Variants in MAGI1 observed in about 807,000 individuals in gnomAD.
The protein encoded by MAGI1 is membrane-associated guanylate kinase, WW and PDZ domain-containing protein 1.
MAGI1 carries 58 observed loss-of-function variants against 139.9 expected under a neutral mutation model. That is an observed-to-expected ratio of 0.41 (90% CI 0.34 to 0.52). The LOEUF is 0.52. Ranked by LOEUF, MAGI1 falls within the 20% of genes least tolerant of loss-of-function variation. The pLI, the probability that MAGI1 is intolerant of heterozygous loss-of-function variation, is 0.12. For synonymous variants in MAGI1, 812 were observed against 737.9 expected (o/e 1.10, Z -1.63); for missense variants, 1,874 against 1,901.6 (o/e 0.99, Z 0.27).
intron 1 of MAGI1, among the ~76,000 whole-genome samples, chr3:65,871,956 T>C (rs1035817650): frequency 3.3e-5 from 5 of 152,266 alleles, no homozygotes; most frequent in Middle Eastern, 3.4e-3. Flanking sequence ...AGCAAAGACA[T>C]TCTCTTTGTC....
At chr3:65,698,886 TA>T in intron 1 of MAGI1, among the ~76,000 whole-genome samples, 1 of 128,636 alleles carries the variant, frequency 7.8e-6, no homozygotes, top group Non-Finnish European at 1.6e-5. Context: ...GGGATCTAAT[TA>T]AACTAAAGAG....
At chr3:65,715,809 T>C (rs1180044318) in intron 1 of MAGI1, among the ~76,000 whole-genome samples, 1 of 152,188 alleles carries the variant, frequency 6.6e-6, no homozygotes, top group Non-Finnish European at 1.5e-5. Flanking sequence ...AACCAAAAAT[T>C]TGTGCTGCTT....
At chr3:65,817,576 G>C (rs1422043705) in intron 1 of MAGI1, among the ~76,000 whole-genome samples, 1 of 152,120 alleles carries the variant, frequency 6.6e-6, no homozygotes. Flanking sequence ...TAATATACTC[G>C]CATTTCCTCC....
At chr3:65,664,656 T>G (rs36091678) in intron 1 of MAGI1, among the ~76,000 whole-genome samples, 47,864 of 152,050 alleles carry the variant, frequency 0.31, 9,097 homozygotes, top group East Asian at 0.64. Context: ...AACCTCAAAA[T>G]CAATACTCAC....
chr3:65,577,189 C>A (rs2081214952), intron 2 of MAGI1, among the ~76,000 whole-genome samples: 2 of 152,078 alleles, frequency 1.3e-5, no homozygotes, highest in Non-Finnish European at 1.5e-5. Context: ...ACAGGCAGAG[C>A]TGGACTAGAG....
At chr3:66,032,170 T>TAGTC (rs1283378427) in intron 1 of MAGI1, among the ~76,000 whole-genome samples, 1 of 152,024 alleles carries the variant, frequency 6.6e-6, no homozygotes, top group Admixed American at 6.6e-5. Context: ...AACAATGGAA[T>TAGTC]AGTCATTCAG....
At chr3:65,956,390 G>A (rs1193489549) in intron 1 of MAGI1, among the ~76,000 whole-genome samples, 3 of 152,222 alleles carry the variant, frequency 2.0e-5, no homozygotes, top group East Asian at 3.9e-4. Flanking sequence ...CCGGCATTTG[G>A]ACCTTGGTGT....
intron 2 of MAGI1, among the ~76,000 whole-genome samples, chr3:65,593,364 A>G (rs997525091): frequency 6.6e-5 from 10 of 152,292 alleles, no homozygotes; most frequent in Admixed American, 2.6e-4. Flanking sequence ...TACCCAGTGC[A>G]ATAATTCAGA....
At chr3:65,420,861 TG>T (rs1214957001) in intron 12 of MAGI1, among the ~76,000 whole-genome samples, 2 of 152,204 alleles carry the variant, frequency 1.3e-5, no homozygotes, top group Non-Finnish European at 2.9e-5. Context: ...AATGAGACAT[TG>T]CTTTGTAGAA....
chr3:65,907,291 G>C (rs1271120863), intron 1 of MAGI1, among the ~76,000 whole-genome samples: 1 of 152,144 alleles, frequency 6.6e-6, no homozygotes, highest in Admixed American at 6.5e-5. Context: ...GGATCCTTGA[G>C]ATAACTCTAG....
chr3:65,784,683 C>T (rs986551789), intron 1 of MAGI1, among the ~76,000 whole-genome samples: 12 of 151,582 alleles, frequency 7.9e-5, no homozygotes, highest in Admixed American at 1.3e-4. Context: ...CCAGCCTGGG[C>T]GACAGAGCGA....
At chr3:65,855,109 G>A (rs747787810) in intron 1 of MAGI1, among the ~76,000 whole-genome samples, 3 of 152,130 alleles carry the variant, frequency 2.0e-5, no homozygotes, top group Admixed American at 6.6e-5. Flanking sequence ...GCCCAAATCC[G>A]TGGGGGGCGG....
chr3:65,581,488 C>T (rs1038235151), intron 2 of MAGI1, among the ~76,000 whole-genome samples: 2 of 152,136 alleles, frequency 1.3e-5, no homozygotes, highest in Admixed American at 1.3e-4. Flanking sequence ...TCTTCTAGTA[C>T]TTTCACTTCC....
intron 1 of MAGI1, among the ~76,000 whole-genome samples, chr3:65,668,562 CTTTTTTTTTTTTT>C (rs58434479): frequency 2.6e-4 from 21 of 79,882 alleles, no homozygotes; most frequent in Admixed American, 9.9e-4. Flanking sequence ...CCTTTTTTTT[CTTTTTTTTTTTTT>C]TTTTTTTTTG....
intron 1 of MAGI1, among the ~76,000 whole-genome samples, chr3:65,920,840 CCAA>C (rs1407615576): frequency 6.6e-6 from 1 of 152,054 alleles, no homozygotes; most frequent in Non-Finnish European, 1.5e-5. Context: ...ACCAGCCTGA[CCAA>C]CATGGTGAAA....
intron 1 of MAGI1, among the ~76,000 whole-genome samples, chr3:65,850,182 C>G (rs2059154717): frequency 6.6e-6 from 1 of 151,976 alleles, no homozygotes; most frequent in South Asian, 2.1e-4. Flanking sequence ...TGTTACAGAA[C>G]ATACTAAGAG....
chr3:65,772,256 G>A (rs761339910), intron 1 of MAGI1, among the ~76,000 whole-genome samples: 70 of 152,166 alleles, frequency 4.6e-4, no homozygotes, highest in Admixed American at 9.2e-4. Flanking sequence ...TCCCTTCCTT[G>A]TAGGGGCCAA....
At position 65,723,594 on chromosome 3, in the gene MAGI1, T is replaced by C. The variant is rs375163231; in HGVS notation, c.314-101506A>G. ...GGTGTTTGTCACAAAGGGGACTGAG[T>C]TCTATAGATGTTATATGTGTAACAT... On this transcript the variant is annotated intron_variant, in intron 1 of 22. Coordinates refer to ENST00000402939, the MANE Select transcript of MAGI1 (RefSeq NM_001033057.2). Among the ~76,000 whole-genome samples the C allele has an allele frequency of 8.8e-4, 134 of 152,294 alleles. 1 individual carries two copies. Among genetic ancestry groups the C allele is most frequent in the African/African-American group, 3.1e-3 (128 of 41,560 alleles).
chr3:65,415,371 G>A (rs896903284), intron 12 of MAGI1, among the ~76,000 whole-genome samples: 3 of 152,172 alleles, frequency 2.0e-5, no homozygotes, highest in African/African-American at 7.2e-5. Flanking sequence ...ATCAGAACAG[G>A]GCAGCGCTGA....
Sources: gnomAD v4.1 joint callset for allele counts (sites outside exome capture counted in the v4.1 genomes callset) on GRCh38, gnomAD v4.1.1 for gene constraint, MANE v1.5 for transcripts, NCBI Gene and HGNC (gene_info 2026-07-23, HGNC 2026-07-21) for gene names.